Variants in RANBP2 observed in about 807,000 individuals in gnomAD.
RANBP2 encodes RAN binding protein 2.
A neutral mutation model predicts 303.6 loss-of-function variants in RANBP2; 57 were observed. The observed-to-expected ratio is 0.19, with a 90% CI of 0.15 to 0.23. The LOEUF (loss-of-function observed/expected upper bound fraction) is 0.23, where lower values mean the gene tolerates loss of function less well. RANBP2 is among the 10% of genes least tolerant of loss of function. The pLI is 1.00. For synonymous variants in RANBP2, 1,167 were observed against 1,301.5 expected (o/e 0.90, Z 2.23); for missense variants, 3,138 against 3,780.8 (o/e 0.83, Z 4.46).
the RANBP2 span, among the ~76,000 whole-genome samples, chr2:109,682,134 A>G: frequency 6.6e-6 from 1 of 152,210 alleles, no homozygotes; most frequent in Non-Finnish European, 1.5e-5. Flanking sequence ...GTAAATGGTG[A>G]GATAATGTTT....
At chr2:109,670,836 C>T in the RANBP2 span, among the ~76,000 whole-genome samples, 27 of 152,268 alleles carry the variant, frequency 1.8e-4, no homozygotes, top group African/African-American at 6.0e-4. Flanking sequence ...GAATGGCAAC[C>T]ACACTTCGGT....
At chr2:109,001,146 G>C in the RANBP2 span, among the ~76,000 whole-genome samples, 1 of 152,112 alleles carries the variant, frequency 6.6e-6, no homozygotes, top group Non-Finnish European at 1.5e-5. Flanking sequence ...AATCCTAAAG[G>C]AATCAACTGT....
the RANBP2 span, among the ~76,000 whole-genome samples, chr2:109,559,370 T>G: frequency 2.6e-5 from 4 of 152,154 alleles, no homozygotes; most frequent in Non-Finnish European, 5.9e-5. Flanking sequence ...AGGAAGACAA[T>G]AGTGAGCCAC....
chr2:109,352,403 G>A, the RANBP2 span, among the ~76,000 whole-genome samples: 2 of 152,184 alleles, frequency 1.3e-5, no homozygotes, highest in Non-Finnish European at 1.5e-5. Context: ...ATTGCCTGGG[G>A]GTAGCGGAGC....
chr2:109,024,974 C>T, the RANBP2 span, among the ~76,000 whole-genome samples: 1 of 152,136 alleles, frequency 6.6e-6, no homozygotes, highest in Non-Finnish European at 1.5e-5. Context: ...TATTTCATCA[C>T]CCCAGATGGA....
At chr2:109,708,446 C>T in the RANBP2 span, among the ~76,000 whole-genome samples, 4,007 of 151,932 alleles carry the variant, frequency 0.026, 69 homozygotes, top group Middle Eastern at 0.044. Context: ...TCTCTTGAGT[C>T]CAGGAGTTCA....
chr2:109,471,046 C>A, the RANBP2 span, among the ~76,000 whole-genome samples: 1 of 151,754 alleles, frequency 6.6e-6, no homozygotes, highest in South Asian at 2.1e-4. Context: ...ATGGTGAAAC[C>A]CCATCTCCAC....
chr2:109,433,991 C>T, the RANBP2 span, among the ~76,000 whole-genome samples: 5 of 152,212 alleles, frequency 3.3e-5, no homozygotes, highest in East Asian at 3.9e-4. Flanking sequence ...GCCCAGTGTG[C>T]GCAGCCCCGA....
At chr2:109,334,877 C>A in the RANBP2 span, among the ~76,000 whole-genome samples, 1 of 152,212 alleles carries the variant, frequency 6.6e-6, no homozygotes, top group Non-Finnish European at 1.5e-5. Context: ...TTTGTGGAAC[C>A]CAGTGTTTTT....
chr2:109,585,269 A>C, the RANBP2 span: 14 of 1,612,616 alleles, frequency 8.7e-6, no homozygotes, highest in Non-Finnish European at 1.1e-5. Context: ...AGTCTTCAAA[A>C]TTAGTATTAA....
the RANBP2 span, chr2:109,732,727 G>T: frequency 1.5e-6 from 1 of 652,584 alleles, no homozygotes. Context: ...CTTGGTTTAT[G>T]TAGGTTTATG....
At chr2:109,111,314 T>C in the RANBP2 span, among the ~76,000 whole-genome samples, 2 of 152,224 alleles carry the variant, frequency 1.3e-5, no homozygotes, top group Non-Finnish European at 2.9e-5. Flanking sequence ...AGTTGAAATA[T>C]AGCTTTATTA....
chr2:109,412,270 C>G, the RANBP2 span, among the ~76,000 whole-genome samples: 1 of 152,234 alleles, frequency 6.6e-6, no homozygotes, highest in Non-Finnish European at 1.5e-5. Context: ...ACATTGCCCC[C>G]CTTTCATTGG....
chr2:109,556,473 G>T, the RANBP2 span, among the ~76,000 whole-genome samples: 1 of 152,154 alleles, frequency 6.6e-6, no homozygotes, highest in Non-Finnish European at 1.5e-5. Flanking sequence ...CAGCTACCAA[G>T]GCTGAGAGGT....
chr2:108,756,834 A>G (rs1306010160), intron 17 of RANBP2, among the ~76,000 whole-genome samples: 4 of 152,234 alleles, frequency 2.6e-5, no homozygotes, highest in Admixed American at 1.3e-4. Context: ...TAAAAATTAC[A>G]GTTACAGCAG....
the RANBP2 span, among the ~76,000 whole-genome samples, chr2:108,865,201 A>T: frequency 0.069 from 10,569 of 152,176 alleles, 470 homozygotes; most frequent in South Asian, 0.15. Context: ...ATAAATGCAT[A>T]ATTTCTTCAA....
At chr2:109,454,039 T>TA in the RANBP2 span, among the ~76,000 whole-genome samples, 1 of 152,228 alleles carries the variant, frequency 6.6e-6, no homozygotes, top group Non-Finnish European at 1.5e-5. Flanking sequence ...ACTACTTAAA[T>TA]ATCCTGTAAC....
chr2:108,930,167 GC>G, the RANBP2 span: 27 of 1,613,966 alleles, frequency 1.7e-5, no homozygotes, highest in Non-Finnish European at 1.9e-5. Flanking sequence ...TCCTGGCACA[GC>G]CCCGTAGTCT....
At chr2:109,574,776 T>G in the RANBP2 span, 1 of 1,558,718 alleles carries the variant, frequency 6.4e-7, no homozygotes. Flanking sequence ...AGCTGAAAAA[T>G]TATTTAAATG....
Sources: gnomAD v4.1 joint callset for allele counts (sites outside exome capture counted in the v4.1 genomes callset) on GRCh38, gnomAD v4.1.1 for gene constraint, MANE v1.5 for transcripts, NCBI Gene and HGNC (gene_info 2026-07-23, HGNC 2026-07-21) for gene names.